Variants in WWOX observed in about 807,000 individuals in gnomAD.
WWOX encodes WW domain containing oxidoreductase, also known as WW domain-containing oxidoreductase.
A neutral mutation model predicts 46.2 loss-of-function variants in WWOX; 69 were observed. That is an observed-to-expected ratio of 1.49 (90% CI 1.23 to 1.82). WWOX has a LOEUF of 1.82. Among genes scored for constraint, WWOX ranks in the 40% most tolerant of loss-of-function variants. The probability of loss-of-function intolerance (pLI) is 0.00; values close to 1 mark genes in which losing one functional copy is unlikely to be tolerated. For missense variants in WWOX, 919 were observed against 542.6 expected (o/e 1.69, Z -6.89); for synonymous variants, 359 against 202.6 (o/e 1.77, Z -6.56).
intron 5 of WWOX, among the ~76,000 whole-genome samples, chr16:78,329,260 G>C (rs1782222977): frequency 6.6e-6 from 1 of 152,158 alleles, no homozygotes; most frequent in Non-Finnish European, 1.5e-5. Flanking sequence ...CCTTGAGATG[G>C]TAGTTTCCTC....
At chr16:78,316,713 A>T (rs897099227) in intron 5 of WWOX, among the ~76,000 whole-genome samples, 7 of 151,962 alleles carry the variant, frequency 4.6e-5, no homozygotes, top group Non-Finnish European at 8.8e-5. Context: ...GCTTTATCCA[A>T]CTTTGCAATC....
chr16:78,404,270 G>A (rs1372050052), intron 6 of WWOX, among the ~76,000 whole-genome samples: 1 of 151,990 alleles, frequency 6.6e-6, no homozygotes, highest in Admixed American at 6.6e-5. Flanking sequence ...TTTCACCAGT[G>A]GTATCTTATT....
chr16:78,666,564 G>A (rs2047337224), intron 8 of WWOX, among the ~76,000 whole-genome samples: 1 of 152,232 alleles, frequency 6.6e-6, no homozygotes, highest in African/African-American at 2.4e-5. Flanking sequence ...TTGGGGTACT[G>A]CCTTAAGAAA....
chr16:78,111,460 A>G lies in WWOX; in HGVS notation c.230+1625A>G, dbSNP rs181871371. On this transcript the variant is annotated intron_variant, in intron 3 of 8. Transcript: ENST00000566780. Reference sequence around the variant, plus strand: ...ATTGTGAGAAGTGACCTAGAAGGCAAGAGGTGAGCCTTCTGTCACACCCGC... The same window carrying G: ...ATTGTGAGAAGTGACCTAGAAGGCAGGAGGTGAGCCTTCTGTCACACCCGC... 2.3e-4 allele frequency among the ~76,000 whole-genome samples: 35 copies of G among 152,336 alleles called. No homozygotes were observed. The East Asian group carries it at 5.8e-3, about 25-fold the overall frequency.
chr16:78,973,244 C>G (rs2046506699), intron 8 of WWOX, among the ~76,000 whole-genome samples: 1 of 152,166 alleles, frequency 6.6e-6, no homozygotes, highest in Admixed American at 6.5e-5. Flanking sequence ...TTGATGGAAT[C>G]TCGTAATGAG....
intron 8 of WWOX, among the ~76,000 whole-genome samples, chr16:78,690,257 ATAAT>A (rs1376908897): frequency 1.3e-5 from 2 of 152,144 alleles, no homozygotes; most frequent in African/African-American, 4.8e-5. Context: ...GAACACATAA[ATAAT>A]GTTTGTTGGC....
intron 8 of WWOX, among the ~76,000 whole-genome samples, chr16:78,711,781 C>G (rs2048449569): frequency 6.6e-6 from 1 of 152,144 alleles, no homozygotes; most frequent in Admixed American, 6.5e-5. Context: ...AGTGAGCGCA[C>G]AGGAGCCTTC....
intron 8 of WWOX, among the ~76,000 whole-genome samples, chr16:79,100,165 C>T (rs543455509): frequency 6.6e-6 from 1 of 152,180 alleles, no homozygotes; most frequent in African/African-American, 2.4e-5. Context: ...TCATGTTTGA[C>T]TGGATAACTG....
intron 8 of WWOX, among the ~76,000 whole-genome samples, chr16:78,986,570 G>T (rs977718826): frequency 6.6e-6 from 1 of 152,182 alleles, no homozygotes; most frequent in African/African-American, 2.4e-5. Context: ...ATGACAAACC[G>T]ATAGGCTACT....
Position 78,823,781 on chromosome 16 carries a change from ATTTT to A in WWOX, c.1057-387817_1057-387814del, listed in dbSNP as rs11417162. 6.8e-5 allele frequency among the ~76,000 whole-genome samples: 10 copies of A among 147,734 alleles called. No homozygotes were observed. The South Asian group carries it at 2.2e-3, about 32-fold the overall frequency. On this transcript the variant is annotated intron_variant, in intron 8 of 8. Coordinates refer to ENST00000566780, the MANE Select transcript of WWOX (RefSeq NM_016373.4). ...CTACCCTGAGCTTTCTAGACTTGTTATTTTTTTTTTTTTAAGACAGAATCTTGTT... is the reference window on the plus strand; with the variant it reads ...CTACCCTGAGCTTTCTAGACTTGTTATTTTTTTTTAAGACAGAATCTTGTT...
chr16:79,047,994 G>A (rs1034922170), intron 8 of WWOX, among the ~76,000 whole-genome samples: 1 of 152,052 alleles, frequency 6.6e-6, no homozygotes, highest in African/African-American at 2.4e-5. Context: ...ATCCTCTCCT[G>A]AAAATATCCC....
At chr16:78,131,983 G>C (rs1168698803) in intron 4 of WWOX, among the ~76,000 whole-genome samples, 1 of 149,220 alleles carries the variant, frequency 6.7e-6, no homozygotes, top group Non-Finnish European at 1.5e-5. Context: ...CTCTCATTAA[G>C]TCTTACTACT....
intron 8 of WWOX, among the ~76,000 whole-genome samples, chr16:78,955,080 C>A (rs1296145065): frequency 6.6e-6 from 1 of 152,136 alleles, no homozygotes; most frequent in South Asian, 2.1e-4. Context: ...CTTTCCTGAT[C>A]AGGAAACTCC....
At chr16:78,895,331 A>G (rs990816638) in intron 8 of WWOX, 2 of 152,204 alleles carry the variant, frequency 1.3e-5, no homozygotes, top group African/African-American at 2.4e-5. Context: ...CTGTGCATAC[A>G]ACATCTTCCT....
intron 8 of WWOX, among the ~76,000 whole-genome samples, chr16:78,953,091 A>C (rs554648171): frequency 5.9e-5 from 9 of 152,164 alleles, no homozygotes; most frequent in South Asian, 2.1e-4. Flanking sequence ...ATACCAACCA[A>C]ATTGACTGTT....
In WWOX at chr16:78,164,212, C is replaced by T. The variant is rs746480783; in HGVS notation, c.439C>T (p.His147Tyr). 15 of 1,614,004 alleles carry T rather than the reference C, an allele frequency of 9.3e-6. No homozygotes were observed. The highest frequency in any genetic ancestry group is 3.3e-5 in the Admixed American group (2 of 59,984). The change falls in exon 5 of 9, where the codon CAT becomes TAT. Residue 147 changes from histidine to tyrosine, a missense_variant. His to Tyr is a moderately conservative substitution (Grantham distance 83). Transcript: ENST00000566780. ...CGAAACCGCCAAGTCTTTTGCCCTC[C>T]ATGGTGCACATGTGATCTTGGCCTG... ...GFETAKSFAL[H>Y]GAHVILACRN...
At chr16:78,799,838 C>G (rs1467090238) in intron 8 of WWOX, among the ~76,000 whole-genome samples, 1 of 152,156 alleles carries the variant, frequency 6.6e-6, no homozygotes, top group Non-Finnish European at 1.5e-5. Flanking sequence ...ACCCAATATA[C>G]AAATTTTAAA....
chr16:78,570,611 G>T (rs919795638), intron 8 of WWOX, among the ~76,000 whole-genome samples: 15 of 152,274 alleles, frequency 9.9e-5, no homozygotes, highest in African/African-American at 3.6e-4. Flanking sequence ...ACGAAGCCCA[G>T]CTGCTGCAGT....
At chr16:78,575,231 G>C (rs941782051) in intron 8 of WWOX, among the ~76,000 whole-genome samples, 2 of 147,396 alleles carry the variant, frequency 1.4e-5, no homozygotes, top group African/African-American at 2.5e-5. Flanking sequence ...TGTCCCTGGA[G>C]GTGAGGGCCA....
Sources: gnomAD v4.1 joint callset for allele counts (sites outside exome capture counted in the v4.1 genomes callset) on GRCh38, gnomAD v4.1.1 for gene constraint, MANE v1.5 for transcripts, NCBI Gene and HGNC (gene_info 2026-07-23, HGNC 2026-07-21) for gene names.